The following COL24A1 variants were observed in gnomAD, a reference collection of about 807,000 sequenced individuals.
COL24A1 encodes the protein collagen alpha-1(XXIV) chain.
COL24A1 carries 224 observed loss-of-function variants against 253.9 expected under a neutral mutation model. The observed-to-expected ratio is 0.88, with a 90% confidence interval of 0.79 to 0.99. The LOEUF is 0.99. Among genes scored for constraint, COL24A1 ranks in the 50% least tolerant of loss-of-function variants. COL24A1 has a pLI of 0.00. For synonymous variants in COL24A1, 685 were observed against 673.7 expected (o/e 1.02, Z -0.26); for missense variants, 2,131 against 2,068.5 (o/e 1.03, Z -0.59).
intron 19 of COL24A1, among the ~76,000 whole-genome samples, chr1:85,989,217 T>G (rs998775640): frequency 6.6e-6 from 1 of 152,106 alleles, no homozygotes; most frequent in Non-Finnish European, 1.5e-5. Flanking sequence ...TTCTCCATTA[T>G]GTTCCTCCCT....
At chr1:85,991,574 A>G (rs1043319143) in intron 19 of COL24A1, among the ~76,000 whole-genome samples, 6 of 152,320 alleles carry the variant, frequency 3.9e-5, no homozygotes, top group African/African-American at 1.2e-4. Flanking sequence ...TTTGTTTTGT[A>G]TAGTTTTATG....
chr1:85,816,686 G>A lies in COL24A1; in HGVS notation c.3951+102C>T, dbSNP rs186533344. ...TTAGAGAAATGAACTGGCTTAATCT[G>A]AGCCAATGCCAAAGCTAAAATAGAT... On this transcript the variant is annotated intron_variant, in intron 47 of 59. Coordinates refer to ENST00000370571, the MANE Select transcript of COL24A1 (RefSeq NM_152890.7). The A allele has an allele frequency of 1.3e-5, 12 of 941,636 alleles. No homozygotes were observed. The African/African-American group carries it at 1.3e-4, about 10-fold the overall frequency. 58.3% of individuals were successfully genotyped at this position (941,636 alleles called of 1,614,324 possible). A position where few individuals can be genotyped will look rare whatever the true frequency, so the allele number is the denominator to read the frequency against.
intron 19 of COL24A1, among the ~76,000 whole-genome samples, chr1:86,005,363 C>T (rs1347493535): frequency 6.7e-6 from 1 of 150,218 alleles, no homozygotes; most frequent in Non-Finnish European, 1.5e-5. Flanking sequence ...CAGTAAGCTC[C>T]ATAAAGTAAA....
chr1:85,978,000 A>G (rs1162234855), intron 20 of COL24A1, among the ~76,000 whole-genome samples: 1 of 152,216 alleles, frequency 6.6e-6, no homozygotes, highest in Non-Finnish European at 1.5e-5. Flanking sequence ...TAGCCTATAA[A>G]GGAAAACATA....
chr1:86,112,428 G>A, intron 5 of COL24A1, 139 bp downstream of exon 5: 1 of 648,508 alleles, frequency 1.5e-6, no homozygotes, highest in Non-Finnish European at 2.6e-6. Context: ...AGACAATCAT[G>A]TTGAAGAATC....
chr1:85,919,115 G>A (rs975898509), intron 24 of COL24A1, among the ~76,000 whole-genome samples: 2 of 152,042 alleles, frequency 1.3e-5, no homozygotes, highest in Admixed American at 1.3e-4. Context: ...TGCTCCTTAA[G>A]CCTGAGTCTC....
chr1:85,783,001 G>C (rs748426108), intron 51 of COL24A1, among the ~76,000 whole-genome samples: 42 of 152,252 alleles, frequency 2.8e-4, no homozygotes, highest in South Asian at 1.5e-3. Context: ...GCTAATTGGA[G>C]TTCTTCAGAC....
At chr1:85,969,829 G>C (rs1691967338) in intron 22 of COL24A1, among the ~76,000 whole-genome samples, 1 of 151,620 alleles carries the variant, frequency 6.6e-6, no homozygotes, top group African/African-American at 2.4e-5. Flanking sequence ...TATTACCCAT[G>C]GTATTATCTG....
rs747837535 is a variant in COL24A1, at chr1:85,975,981, A to G, written c.2365-4588T>C. Among the ~76,000 whole-genome samples the G allele has an allele frequency of 2.6e-5, 4 of 152,330 alleles. No individual in the cohort carries two copies. In the South Asian group the frequency reaches 8.3e-4, roughly 32 times the overall value. On this transcript the variant is annotated intron_variant, in intron 20 of 59. Coordinates refer to ENST00000370571, the MANE Select transcript of COL24A1 (RefSeq NM_152890.7). ...CACTCCCATTCTCCAGCTCAAGCCAAGGGAAGCCATCCTTGACTATATCTC... is the reference window on the plus strand; with the variant it reads ...CACTCCCATTCTCCAGCTCAAGCCAGGGGAAGCCATCCTTGACTATATCTC...
chr1:86,111,934 C>T (rs971925556), intron 5 of COL24A1, among the ~76,000 whole-genome samples: 31 of 152,044 alleles, frequency 2.0e-4, no homozygotes, highest in African/African-American at 2.2e-4. Flanking sequence ...CGAACATGTC[C>T]GAACATCAGA....
At chr1:86,068,948 T>C (rs1002265196) in intron 7 of COL24A1, among the ~76,000 whole-genome samples, 1 of 152,156 alleles carries the variant, frequency 6.6e-6, no homozygotes, top group African/African-American at 2.4e-5. Flanking sequence ...CAAAGAGCCC[T>C]TGGGCCCTGA....
intron 19 of COL24A1, among the ~76,000 whole-genome samples, chr1:85,991,936 GT>G (rs1289321266): frequency 6.7e-6 from 1 of 150,216 alleles, no homozygotes; most frequent in African/African-American, 2.4e-5. Context: ...TATACTTTAA[GT>G]TTTAGAGTAC....
chr1:86,126,121 G>C lies in COL24A1; in HGVS notation c.215C>G (p.Pro72Arg). Residue 72 changes from proline to arginine, a missense_variant, in exon 3 of 60, where the codon CCT becomes CGT. Coordinates refer to ENST00000370571, the MANE Select transcript of COL24A1 (RefSeq NM_152890.7). ...TGATTCTGTTAAATGGACCCCCTGA[G>C]GTAACGGTGTAGATGCTGATGGTAC... ...TAVPSASTPL[P>R]QGVHLTESGV... is the part of the protein sequence containing the mutation. 6.2e-7 allele frequency: 1 copy of C among 1,612,338 alleles called. No individual in the cohort carries two copies. The highest frequency in any genetic ancestry group is 8.5e-7 in the Non-Finnish European group (1 of 1,179,732).
At chr1:85,799,783 G>A (rs1442563757) in intron 47 of COL24A1, among the ~76,000 whole-genome samples, 2 of 152,148 alleles carry the variant, frequency 1.3e-5, no homozygotes, top group Non-Finnish European at 2.9e-5. Context: ...TTCAACACAT[G>A]ACATCCTAAT....
chr1:86,142,547 AC>A (rs1651304773), intron 2 of COL24A1, among the ~76,000 whole-genome samples: 1 of 151,278 alleles, frequency 6.6e-6, no homozygotes, highest in African/African-American at 2.4e-5. Context: ...AAAACAAAAA[AC>A]AAAAAAAACA....
chr1:86,003,011 G>T (rs750675323), intron 19 of COL24A1, among the ~76,000 whole-genome samples: 1 of 152,138 alleles, frequency 6.6e-6, no homozygotes, highest in Non-Finnish European at 1.5e-5. Flanking sequence ...AATCAGTCCC[G>T]CCACTTGCAT....
At chr1:86,126,481 T>C (rs749516624) in intron 2 of COL24A1, among the ~76,000 whole-genome samples, 10 of 152,092 alleles carry the variant, frequency 6.6e-5, no homozygotes, top group Non-Finnish European at 1.3e-4. Context: ...TTAGTTTATT[T>C]ATTATTTTAG....
intron 32 of COL24A1, among the ~76,000 whole-genome samples, chr1:85,882,142 A>C (rs1440588709): frequency 6.6e-6 from 1 of 152,158 alleles, no homozygotes; most frequent in Non-Finnish European, 1.5e-5. Flanking sequence ...ATTTTCTGTT[A>C]CTGTGGTGTG....
chr1:85,872,819 A>G (rs915373203), intron 35 of COL24A1, among the ~76,000 whole-genome samples: 6 of 152,218 alleles, frequency 3.9e-5, no homozygotes, highest in Admixed American at 3.9e-4. Context: ...AATGGCAACA[A>G]AAGCCAAAAT....
Sources: allele counts gnomAD v4.1 joint callset (sites outside exome capture counted in the v4.1 genomes callset), GRCh38; gene constraint gnomAD v4.1.1; transcripts MANE v1.5; gene names NCBI Gene and HGNC (gene_info 2026-07-23, HGNC 2026-07-21).